EDIL3: variants seen among roughly 807,000 people sequenced by gnomAD.
The protein encoded by EDIL3 is EGF-like repeat and discoidin I-like domain-containing protein 3.
A neutral mutation model predicts 67.4 loss-of-function variants in EDIL3; 37 were observed. The ratio of observed to expected loss-of-function variants is 0.55; its 90% CI spans 0.42 to 0.72. The LOEUF is 0.72. Among genes scored for constraint, EDIL3 ranks in the 30% least tolerant of loss-of-function variants. EDIL3 has a pLI of 0.00. For missense variants in EDIL3, 527 were observed against 586.3 expected, an observed-to-expected ratio of 0.90 and a Z score of 1.04; for synonymous variants, 195 against 196.3, an observed-to-expected ratio of 0.99 and a Z score of 0.05.
intron 1 of EDIL3, among the ~76,000 whole-genome samples, chr5:84,283,878 C>A (rs935932994): frequency 6.6e-6 from 1 of 152,108 alleles, no homozygotes; most frequent in Non-Finnish European, 1.5e-5. Flanking sequence ...TCAAACCACC[C>A]CGCAAAACTT....
At chr5:84,167,556 G>A (rs1030145649) in intron 4 of EDIL3, among the ~76,000 whole-genome samples, 3 of 151,976 alleles carry the variant, frequency 2.0e-5, no homozygotes. Context: ...TTTTAGTACC[G>A]ATTTCTTTTA....
chr5:84,269,709 G>A (rs1015318981), intron 1 of EDIL3, among the ~76,000 whole-genome samples: 2 of 152,082 alleles, frequency 1.3e-5, no homozygotes, highest in Non-Finnish European at 2.9e-5. Context: ...AAATCTGGGG[G>A]CTCTTAGAGC....
In EDIL3 at chr5:83,941,245, GAAGAGCATATAA is replaced by G. The variant is rs1744218379; in HGVS notation, c.*2162_*2173del. The G allele has an allele frequency of 6.6e-6, 1 of 151,976 alleles. No homozygotes were observed. The highest frequency in any genetic ancestry group is 2.1e-4 in the South Asian group (1 of 4,832). 9.4% of individuals were successfully genotyped at this position (151,976 alleles called of 1,614,324 possible). ...TATCCCGTTGGACATGATGTATTGC[GAAGAGCATATAA>G]AGCAGAGGGAAAATGAAAAAGCAAG... On this transcript the variant is annotated 3_prime_UTR_variant, in exon 11 of 11. Transcript: ENST00000296591.
At chr5:84,187,311 T>G (rs73769769) in intron 3 of EDIL3, among the ~76,000 whole-genome samples, 130 of 152,116 alleles carry the variant, frequency 8.5e-4, no homozygotes, top group African/African-American at 3.1e-3. Flanking sequence ...ATTCCAATAG[T>G]AGAGTTAGAG....
At chr5:84,221,591 G>C (rs12655876) in intron 3 of EDIL3, among the ~76,000 whole-genome samples, 21,218 of 151,948 alleles carry the variant, frequency 0.14, 1,909 homozygotes, top group Middle Eastern at 0.23. Flanking sequence ...GCACTATTTG[G>C]TCTTTCCACT....
chr5:84,114,246 G>A (rs2112291292), intron 5 of EDIL3, among the ~76,000 whole-genome samples: 1 of 151,102 alleles, frequency 6.6e-6, no homozygotes, highest in Non-Finnish European at 1.5e-5. Context: ...GGTGTGTTAG[G>A]AAGTTGTATC....
intron 9 of EDIL3, among the ~76,000 whole-genome samples, chr5:83,984,244 T>C (rs930317678): frequency 7.9e-5 from 12 of 151,742 alleles, no homozygotes; most frequent in African/African-American, 2.4e-4. Context: ...ATGTGTAAAA[T>C]AGAATACAGT....
At chr5:83,995,581 A>G (rs1745224943) in intron 9 of EDIL3, among the ~76,000 whole-genome samples, 1 of 152,196 alleles carries the variant, frequency 6.6e-6, no homozygotes, top group South Asian at 2.1e-4. Context: ...AATAAAATTC[A>G]AACTCGGTCA....
intron 4 of EDIL3, among the ~76,000 whole-genome samples, chr5:84,163,887 C>T (rs1748657286): frequency 6.6e-6 from 1 of 152,052 alleles, no homozygotes. Flanking sequence ...TCAAATTCTA[C>T]CTTATAAACT....
At chr5:84,272,454 T>C (rs950738560) in intron 1 of EDIL3, among the ~76,000 whole-genome samples, 1 of 152,170 alleles carries the variant, frequency 6.6e-6, no homozygotes, top group Non-Finnish European at 1.5e-5. Flanking sequence ...TTTGTTGATA[T>C]TAATAAGCAA....
chr5:84,004,327 A>G (rs1156260771), intron 9 of EDIL3, among the ~76,000 whole-genome samples: 3 of 152,152 alleles, frequency 2.0e-5, no homozygotes, highest in South Asian at 2.1e-4. Context: ...AATGGACCTA[A>G]CAGACAACTG....
In EDIL3 at chr5:84,044,476, G is replaced by A. The variant is rs116760540; in HGVS notation, c.1137+15824C>T. ...ATGCTGATACAATTTGTTATTCGGA[G>A]AGAAAGAGAATGTAATTTGTTTTAA... On this transcript the variant is annotated intron_variant, in intron 9 of 10. Coordinates refer to ENST00000296591, the MANE Select transcript of EDIL3 (RefSeq NM_005711.5). Among the ~76,000 whole-genome samples the A allele has an allele frequency of 2.7e-3, 417 of 152,234 alleles. 1 individual carries two copies. The highest frequency in any genetic ancestry group is 9.6e-3 in the African/African-American group (397 of 41,530).
intron 9 of EDIL3, among the ~76,000 whole-genome samples, chr5:84,045,117 CT>C (rs1271816389): frequency 1.3e-5 from 2 of 152,052 alleles, no homozygotes; most frequent in African/African-American, 4.8e-5. Flanking sequence ...GAGGAAAACC[CT>C]TATAAAACCA....
intron 3 of EDIL3, among the ~76,000 whole-genome samples, chr5:84,206,218 T>C (rs1442011404): frequency 1.1e-4 from 17 of 152,044 alleles, no homozygotes; most frequent in African/African-American, 4.1e-4. Context: ...TGTAGTTGAG[T>C]GGTTTTGAGT....
In EDIL3 at chr5:83,963,254, T is replaced by C; in HGVS notation, c.1244A>G (p.Asp415Gly). The stretch of plus-strand genomic sequence containing the variant: ...CTGGTATACAGTCCAGTGTTCTCCA[T>C]CATTGCTGTAAGCCAGTTTGTAGGA... ...VGSYKLAYSN[D>G]GEHWTVYQDE... Residue 415 changes from aspartate (D) to glycine (G), a missense_variant, in exon 10 of 11, where the codon GAT (aspartate) becomes GGT (glycine). Transcript: ENST00000296591. 1 of 1,610,602 alleles carries C rather than the reference T, an allele frequency of 6.2e-7. No homozygotes were observed. Among genetic ancestry groups the C allele is most frequent in the Non-Finnish European group, 8.5e-7 (1 of 1,177,804 alleles).
chr5:84,221,576 C>T (rs957840888), intron 3 of EDIL3, among the ~76,000 whole-genome samples: 12 of 151,958 alleles, frequency 7.9e-5, no homozygotes, highest in Non-Finnish European at 1.0e-4. Context: ...AAAAAGGAAA[C>T]GTAAGCACTA....
chr5:84,308,170 A>T (rs1746310409), intron 1 of EDIL3, among the ~76,000 whole-genome samples: 1 of 152,172 alleles, frequency 6.6e-6, no homozygotes, highest in Non-Finnish European at 1.5e-5. Flanking sequence ...GAAAAATCTG[A>T]GATGTAGAAT....
chr5:84,368,835 G>T (rs2112209612), intron 1 of EDIL3, among the ~76,000 whole-genome samples: 1 of 152,124 alleles, frequency 6.6e-6, no homozygotes, highest in East Asian at 1.9e-4. Context: ...TTTTCCCATA[G>T]AAGATATACA....
At chr5:84,001,456 C>A (rs906605588) in intron 9 of EDIL3, among the ~76,000 whole-genome samples, 1 of 151,756 alleles carries the variant, frequency 6.6e-6, no homozygotes, top group African/African-American at 2.4e-5. Flanking sequence ...ATAAAGATCA[C>A]AGTAGAAATA....
Sources: allele counts gnomAD v4.1 joint callset (sites outside exome capture counted in the v4.1 genomes callset), GRCh38; gene constraint gnomAD v4.1.1; transcripts MANE v1.5; gene names NCBI Gene and HGNC (gene_info 2026-07-23, HGNC 2026-07-21).